The following PRKDC variants were observed in gnomAD, a reference collection of about 807,000 sequenced individuals.
The protein encoded by PRKDC is protein kinase, DNA-activated, catalytic subunit.
Under a neutral mutation model 486.9 loss-of-function variants are expected in PRKDC, and 82 were observed. That is an observed-to-expected ratio of 0.17 (90% confidence interval 0.14 to 0.20). The LOEUF (loss-of-function observed/expected upper bound fraction) is 0.20, where lower values mean the gene tolerates loss of function less well. Ranked by LOEUF, PRKDC falls within the 10% of genes least tolerant of loss-of-function variation. PRKDC has a pLI of 1.00. For synonymous variants in PRKDC, 1,895 were observed against 1,837.0 expected (o/e 1.03, Z -0.81); for missense variants, 4,504 against 5,038.2 (o/e 0.89, Z 3.21).
intron 54 of PRKDC, among the ~76,000 whole-genome samples, chr8:47,844,614 C>G (rs1224544470): frequency 6.6e-6 from 1 of 152,064 alleles, no homozygotes; most frequent in East Asian, 1.9e-4. Context: ...GGAACATACT[C>G]TAAGATCAAC....
intron 76 of PRKDC, among the ~76,000 whole-genome samples, chr8:47,788,247 T>C (rs1330590919): frequency 2.0e-5 from 3 of 152,202 alleles, no homozygotes; most frequent in Non-Finnish European, 4.4e-5. Flanking sequence ...GGAGAAATGA[T>C]GCTGACGCCA....
At chr8:47,940,569 GTT>G (rs1589807975) in intron 10 of PRKDC, among the ~76,000 whole-genome samples, 1 of 152,176 alleles carries the variant, frequency 6.6e-6, no homozygotes, top group Non-Finnish European at 1.5e-5. Flanking sequence ...TGTATATACT[GTT>G]TCATAATTTC....
chr8:47,898,791 G>T (rs1004836135), intron 28 of PRKDC, among the ~76,000 whole-genome samples: 17 of 152,322 alleles, frequency 1.1e-4, no homozygotes, highest in Middle Eastern at 3.4e-3. Context: ...AGGATAGCAT[G>T]GTGCGTGCAC....
At chr8:47,813,649 C>T (rs191761916) in intron 68 of PRKDC, among the ~76,000 whole-genome samples, 1 of 152,084 alleles carries the variant, frequency 6.6e-6, no homozygotes, top group Admixed American at 6.5e-5. Context: ...GATCTTGCCT[C>T]ACCGCAACCT....
chr8:47,880,098 C>T (rs2089179957), intron 38 of PRKDC, among the ~76,000 whole-genome samples: 1 of 152,188 alleles, frequency 6.6e-6, no homozygotes, highest in Admixed American at 6.5e-5. Context: ...ATTCACCTGC[C>T]TTGGCCTCCC....
At chr8:47,951,000 A>C (rs372702702) in intron 7 of PRKDC, among the ~76,000 whole-genome samples, 7 of 152,340 alleles carry the variant, frequency 4.6e-5, no homozygotes, top group East Asian at 1.9e-4. Flanking sequence ...AAAAATAAAA[A>C]AACTGAACTT....
chr8:47,918,217 A>C, intron 22 of PRKDC, 60 bp downstream of exon 22: 1 of 1,114,814 alleles, frequency 9.0e-7, no homozygotes, highest in Non-Finnish European at 1.3e-6. Flanking sequence ...TACTTTTCAC[A>C]AGTGTTAGAA....
rs1563791832 is a variant in PRKDC, at chr8:47,897,216, T to C, written c.3543A>G (p.Thr1181=). The stretch of plus-strand genomic sequence containing the variant: ...GTTCAATGGATTTGTGTCGACATTC[T>C]GTCTGGGGCCTCCCACAATGAGCTA... ...WLLAHCGRPQ[T]ECRHKSIELF... Residue 1181 remains threonine (T), a synonymous_variant, in exon 30 of 86, where the codon ACA becomes ACG. Transcript: ENST00000314191. 5 of 1,608,574 alleles carry C rather than the reference T, an allele frequency of 3.1e-6. No individual in the cohort carries two copies. In the East Asian group the frequency reaches 8.9e-5, roughly 29 times the overall value.
intron 1 of PRKDC, among the ~76,000 whole-genome samples, chr8:47,958,069 T>C (rs919483299): frequency 4.6e-5 from 7 of 152,206 alleles, no homozygotes; most frequent in Admixed American, 2.6e-4. Context: ...GGGAAGATCA[T>C]ACTGGATTAT....
intron 20 of PRKDC, 122 bp from the exon 21 acceptor site, chr8:47,927,475 G>T: frequency 8.6e-7 from 1 of 1,166,554 alleles, no homozygotes; most frequent in Non-Finnish European, 1.2e-6. Flanking sequence ...GCCCGACACC[G>T]CTGGAGAGTT....
chr8:47,817,173 CA>C (rs999644174), intron 68 of PRKDC, among the ~76,000 whole-genome samples: 6 of 152,202 alleles, frequency 3.9e-5, no homozygotes, highest in African/African-American at 1.4e-4. Context: ...GTGAGAGAAG[CA>C]AATGCACACT....
chr8:47,900,873 G>T (rs914580485), intron 27 of PRKDC, among the ~76,000 whole-genome samples: 10 of 151,300 alleles, frequency 6.6e-5, no homozygotes, highest in African/African-American at 2.2e-4. Context: ...TTGTTTTTTT[G>T]TTGTTGTTTT....
At chr8:47,888,370 T>C in intron 34 of PRKDC, 148 bp downstream of exon 34, 1 of 560,958 alleles carries the variant, frequency 1.8e-6, no homozygotes, top group Non-Finnish European at 2.9e-6. Context: ...TACAGATACA[T>C]AATATCTACA....
At chr8:47,816,031 T>C (rs1462538189) in intron 68 of PRKDC, among the ~76,000 whole-genome samples, 1 of 152,148 alleles carries the variant, frequency 6.6e-6, no homozygotes, top group Admixed American at 6.5e-5. Context: ...TTGGCCAACA[T>C]GGTGAAACCC....
rs1359406795 is a variant in PRKDC, at chr8:47,933,886, GA to G, written c.1623+78del. ...TTGAAAGTTAGTAAAATATAATTCTGAAATAAGTCTTATGTCTAAACTATGG... is the reference window on the plus strand; with the variant it reads ...TTGAAAGTTAGTAAAATATAATTCTGAATAAGTCTTATGTCTAAACTATGG... On this transcript the variant is annotated intron_variant, in intron 15 of 85. Coordinates refer to ENST00000314191, the MANE Select transcript of PRKDC (RefSeq NM_006904.7). 6 of 1,378,126 alleles carry G rather than the reference GA, an allele frequency of 4.4e-6. No individual in the cohort carries two copies. The Admixed American group carries it at 1.2e-4, about 28-fold the overall frequency. 85.4% of individuals were successfully genotyped at this position (1,378,126 alleles called of 1,614,324 possible). A position where few individuals can be genotyped will look rare whatever the true frequency, so the allele number is the denominator to read the frequency against.
chr8:47,887,698 T>G lies in PRKDC; in HGVS notation c.4421A>C (p.Asp1474Ala). The stretch of plus-strand genomic sequence containing the variant: ...TTCTGTGCCAACAGAATGATGCAAA[T>G]CTGTGGACTAAAAGGAAGCCAACAC... Reference protein sequence around the residue: ...LHNILPSQSTDLHHSVGTELL... With the variant: ...LHNILPSQSTALHHSVGTELL... The change falls in exon 35 of 86, where the codon GAT becomes GCT. Residue 1474 changes from aspartate to alanine, a missense_variant. Around this residue, in one of 6 missense-constraint regions of PRKDC, gnomAD observed 1,969 missense variants for 2,068.9 expected, o/e 0.95. Transcript: ENST00000314191. 1 of 1,606,154 alleles carries G rather than the reference T, an allele frequency of 6.2e-7. No individual in the cohort carries two copies. The highest frequency in any genetic ancestry group is 8.5e-7 in the Non-Finnish European group (1 of 1,176,870).
chr8:47,902,587 T>C lies in PRKDC; in HGVS notation c.3251A>G (p.Asn1084Ser). The C allele has an allele frequency of 6.3e-7, 1 of 1,588,330 alleles. No homozygotes were observed. Reference sequence around the variant, plus strand: ...TACAAACCTGAATTCCCTGTAGATATTATTAAAGGCAAGTGATGCTCCCAG... The same window carrying C: ...TACAAACCTGAATTCCCTGTAGATACTATTAAAGGCAAGTGATGCTCCCAG... ...KRLGASLAFN[N>S]IYREFREEES... The change falls in exon 27 of 86, where the codon AAT becomes AGT. Residue 1084 changes from asparagine (N) to serine (S), a missense_variant. Physicochemically the swap from Asn to Ser is conservative, Grantham distance 46. Coordinates refer to ENST00000314191, the MANE Select transcript of PRKDC (RefSeq NM_006904.7).
chr8:47,920,276 T>C (rs2154503101), intron 21 of PRKDC, among the ~76,000 whole-genome samples: 1 of 152,338 alleles, frequency 6.6e-6, no homozygotes, highest in East Asian at 1.9e-4. Context: ...GGTTAGGGAC[T>C]CCATGACCGA....
At chr8:47,795,657 C>T (rs568150191) in intron 73 of PRKDC, among the ~76,000 whole-genome samples, 2 of 152,074 alleles carry the variant, frequency 1.3e-5, no homozygotes, top group Admixed American at 6.5e-5. Flanking sequence ...CCATACCCAG[C>T]TAATTTTTGT....
Sources: allele counts gnomAD v4.1 joint callset (sites outside exome capture counted in the v4.1 genomes callset), GRCh38; gene constraint gnomAD v4.1.1; regional missense constraint gnomAD v4.1.1; transcripts MANE v1.5; gene names NCBI Gene and HGNC (gene_info 2026-07-23, HGNC 2026-07-21).